Variants in ZFAND3 observed in about 807,000 individuals in gnomAD.
The protein encoded by ZFAND3 is zinc finger AN1-type containing 3, also known as AN1-type zinc finger protein 3.
Under a neutral mutation model 29.6 loss-of-function variants are expected in ZFAND3, and 10 were observed. That is an observed-to-expected ratio of 0.34 (90% CI 0.21 to 0.57). The LOEUF (loss-of-function observed/expected upper bound fraction) is 0.57, where lower values mean the gene tolerates loss of function less well. Ranked by LOEUF, ZFAND3 falls within the 20% of genes least tolerant of loss-of-function variation. ZFAND3 has a pLI of 0.86. For missense variants in ZFAND3, 230 were observed against 304.5 expected, an observed-to-expected ratio of 0.76 and a Z score of 1.82; for synonymous variants, 128 against 112.6, an observed-to-expected ratio of 1.14 and a Z score of -0.87.
At chr6:37,919,876 T>C (rs1761340057) in intron 1 of ZFAND3, among the ~76,000 whole-genome samples, 1 of 152,184 alleles carries the variant, frequency 6.6e-6, no homozygotes, top group South Asian at 2.1e-4. Flanking sequence ...CATACCTCAG[T>C]GTCCCTGACT....
At chr6:37,898,637 A>G (rs546401819) in intron 1 of ZFAND3, among the ~76,000 whole-genome samples, 228 of 152,276 alleles carry the variant, frequency 1.5e-3, no homozygotes, top group African/African-American at 5.2e-3. Flanking sequence ...GAAGTGTTTT[A>G]TAATTTTCAG....
chr6:38,147,023 G>A (rs2127497945), intron 5 of ZFAND3, among the ~76,000 whole-genome samples: 1 of 152,262 alleles, frequency 6.6e-6, no homozygotes, highest in South Asian at 2.1e-4. Flanking sequence ...TAGGGTGTCT[G>A]TCACCCGAGT....
At position 38,152,560 on chromosome 6, in the gene ZFAND3, G is replaced by GA. The variant is rs2127499813; in HGVS notation, c.*174dup. 1 of 1,278,674 alleles carries GA rather than the reference G, an allele frequency of 7.8e-7. No homozygotes were observed. The highest frequency in any genetic ancestry group is 3.1e-5 in the South Asian group (1 of 32,198). The allele number at this position is 1,278,674 out of a possible 1,614,324, so 79.2% of individuals were successfully genotyped here. ...TGTAGTTTAGGGGTTGATGGTGGTT[G>GA]AAATTGATTTCTGGCTGGTTACTAA... is the stretch of plus-strand genomic sequence containing the variant. On this transcript the variant is annotated 3_prime_UTR_variant, in exon 6 of 6. Coordinates refer to ENST00000287218, the MANE Select transcript of ZFAND3 (RefSeq NM_021943.3).
At chr6:37,836,015 C>G (rs1489613369) in intron 1 of ZFAND3, among the ~76,000 whole-genome samples, 2 of 152,012 alleles carry the variant, frequency 1.3e-5, no homozygotes, top group African/African-American at 4.8e-5. Context: ...GTGAAAATGC[C>G]TTAGGTGTCT....
At chr6:37,929,092 C>G (rs1761544310) in intron 1 of ZFAND3, among the ~76,000 whole-genome samples, 1 of 152,182 alleles carries the variant, frequency 6.6e-6, no homozygotes, top group Non-Finnish European at 1.5e-5. Context: ...TATTGGAACA[C>G]TAAGCATGTG....
intron 1 of ZFAND3, among the ~76,000 whole-genome samples, chr6:37,882,764 T>C (rs1764920031): frequency 6.6e-6 from 1 of 152,192 alleles, no homozygotes; most frequent in South Asian, 2.1e-4. Flanking sequence ...AGCTGGCCAC[T>C]TCTTTTGGCA....
At chr6:37,993,436 C>G (rs1378061151) in intron 2 of ZFAND3, among the ~76,000 whole-genome samples, 2 of 152,134 alleles carry the variant, frequency 1.3e-5, no homozygotes, top group Non-Finnish European at 2.9e-5. Flanking sequence ...AAGCCATTCT[C>G]CTGCCTCACC....
intron 2 of ZFAND3, among the ~76,000 whole-genome samples, chr6:37,950,269 A>AT (rs1178203332): frequency 1.3e-5 from 2 of 150,972 alleles, no homozygotes; most frequent in African/African-American, 4.9e-5. Context: ...TCTTGAGTTG[A>AT]TTTTCGTATG....
At chr6:38,127,772 A>G (rs1218907922) in intron 5 of ZFAND3, among the ~76,000 whole-genome samples, 1 of 152,176 alleles carries the variant, frequency 6.6e-6, no homozygotes, top group Non-Finnish European at 1.5e-5. Context: ...CTGTGTGCTA[A>G]ATAGTGGTAT....
intron 5 of ZFAND3, among the ~76,000 whole-genome samples, chr6:38,120,052 A>G (rs1006688837): frequency 2.0e-5 from 3 of 152,128 alleles, no homozygotes; most frequent in Admixed American, 6.5e-5. Flanking sequence ...CGAGGCTGGG[A>G]TTATATCCTG....
intron 2 of ZFAND3, among the ~76,000 whole-genome samples, chr6:37,982,857 A>G (rs1263824367): frequency 6.6e-6 from 1 of 152,174 alleles, no homozygotes; most frequent in Non-Finnish European, 1.5e-5. Context: ...CTACCCCTGA[A>G]GACCTTCCAG....
At chr6:37,861,670 C>T (rs941689254) in intron 1 of ZFAND3, among the ~76,000 whole-genome samples, 1 of 152,162 alleles carries the variant, frequency 6.6e-6, no homozygotes, top group African/African-American at 2.4e-5. Context: ...TTTTCATCCT[C>T]CATATATCTG....
chr6:38,056,968 A>G (rs1431780525), intron 2 of ZFAND3, among the ~76,000 whole-genome samples: 1 of 152,236 alleles, frequency 6.6e-6, no homozygotes, highest in Non-Finnish European at 1.5e-5. Flanking sequence ...CTTTATTCAC[A>G]TAAACCTCTC....
intron 5 of ZFAND3, among the ~76,000 whole-genome samples, chr6:38,125,440 A>C (rs1388083417): frequency 6.6e-6 from 1 of 152,166 alleles, no homozygotes; most frequent in African/African-American, 2.4e-5. Flanking sequence ...AAACATGAAG[A>C]GCTCCCTCTC....
chr6:37,938,807 T>C (rs1227271772), intron 2 of ZFAND3, among the ~76,000 whole-genome samples: 2 of 152,250 alleles, frequency 1.3e-5, no homozygotes, highest in Non-Finnish European at 2.9e-5. Flanking sequence ...AAATAATTGT[T>C]GCATTTCTAA....
intron 2 of ZFAND3, among the ~76,000 whole-genome samples, chr6:38,008,317 A>C (rs1763085733): frequency 6.6e-6 from 1 of 152,228 alleles, no homozygotes; most frequent in Non-Finnish European, 1.5e-5. Context: ...GGCTGTATCT[A>C]AAGGGCTTGA....
At chr6:37,942,043 C>T (rs1229956013) in intron 2 of ZFAND3, among the ~76,000 whole-genome samples, 2 of 152,108 alleles carry the variant, frequency 1.3e-5, no homozygotes, top group East Asian at 1.9e-4. Flanking sequence ...ATTTCGATGC[C>T]GTTTGTTTCA....
intron 2 of ZFAND3, among the ~76,000 whole-genome samples, chr6:38,045,835 T>C (rs1459046559): frequency 6.6e-6 from 1 of 152,174 alleles, no homozygotes; most frequent in Non-Finnish European, 1.5e-5. Flanking sequence ...TAAACATCTA[T>C]ATAATCATTA....
At chr6:37,820,610 T>G (rs1326063992) in intron 1 of ZFAND3, among the ~76,000 whole-genome samples, 1 of 152,224 alleles carries the variant, frequency 6.6e-6, no homozygotes, top group African/African-American at 2.4e-5. Context: ...AGGTCTCACC[T>G]TCATGTAAAA....
Sources: allele counts gnomAD v4.1 joint callset (sites outside exome capture counted in the v4.1 genomes callset), GRCh38; gene constraint gnomAD v4.1.1; transcripts MANE v1.5; gene names NCBI Gene and HGNC (gene_info 2026-07-23, HGNC 2026-07-21).